MACROD2: variants seen among roughly 807,000 people sequenced by gnomAD.
MACROD2 encodes the protein mono-ADP ribosylhydrolase 2.
A neutral mutation model predicts 70.4 loss-of-function variants in MACROD2; 36 were observed. That is an observed-to-expected ratio of 0.51 (90% CI 0.39 to 0.68). MACROD2 has a LOEUF of 0.68. Ranked by LOEUF, MACROD2 falls within the 30% of genes least tolerant of loss-of-function variation. MACROD2 has a pLI of 0.00. For synonymous variants in MACROD2, 172 were observed against 178.8 expected (o/e 0.96, Z 0.30); for missense variants, 496 against 538.4 (o/e 0.92, Z 0.78).
At chr20:14,399,977 T>C (rs1281338010) in intron 3 of MACROD2, among the ~76,000 whole-genome samples, 1 of 152,230 alleles carries the variant, frequency 6.6e-6, no homozygotes, top group Non-Finnish European at 1.5e-5. Context: ...TACTTGGATG[T>C]ACAGAATATA....
intron 4 of MACROD2, among the ~76,000 whole-genome samples, chr20:14,548,817 A>AAC (rs940592256): frequency 6.6e-6 from 1 of 151,982 alleles, no homozygotes; most frequent in African/African-American, 2.4e-5. Context: ...GTATTAAATG[A>AAC]ACAGAGGAGT....
intron 6 of MACROD2, among the ~76,000 whole-genome samples, chr20:15,334,344 G>C (rs1292203448): frequency 6.6e-6 from 1 of 151,458 alleles, no homozygotes; most frequent in Non-Finnish European, 1.5e-5. Flanking sequence ...CACCAACATA[G>C]ATTTTTATTT....
chr20:14,100,720 T>TAATATATATAA (rs10626099), intron 3 of MACROD2, among the ~76,000 whole-genome samples: 2 of 136,382 alleles, frequency 1.5e-5, no homozygotes, highest in East Asian at 4.0e-4. Context: ...ATATATACAT[T>TAATATATATAA]TATATATAAT....
intron 6 of MACROD2, among the ~76,000 whole-genome samples, chr20:15,359,201 C>T (rs770342721): frequency 1.7e-4 from 26 of 152,144 alleles, no homozygotes; most frequent in Non-Finnish European, 3.7e-4. Flanking sequence ...GAAGAAACTG[C>T]TCATCTTCCA....
At chr20:15,217,722 C>T (rs954958284) in intron 5 of MACROD2, among the ~76,000 whole-genome samples, 3 of 152,104 alleles carry the variant, frequency 2.0e-5, no homozygotes, top group Non-Finnish European at 4.4e-5. Flanking sequence ...ACCTGCATGA[C>T]AACAGTATAT....
chr20:15,625,496 A>G (rs1055893215), intron 8 of MACROD2, among the ~76,000 whole-genome samples: 7 of 152,200 alleles, frequency 4.6e-5, no homozygotes, highest in African/African-American at 1.7e-4. Context: ...CTTGAAAAAT[A>G]AAAAAGGTAA....
chr20:15,623,592 C>A (rs905899747), intron 8 of MACROD2, among the ~76,000 whole-genome samples: 4 of 152,142 alleles, frequency 2.6e-5, no homozygotes, highest in Admixed American at 1.3e-4. Flanking sequence ...GATATGGGGA[C>A]GCTATGGGCT....
intron 5 of MACROD2, among the ~76,000 whole-genome samples, chr20:15,209,844 C>T (rs1043860472): frequency 6.6e-6 from 1 of 152,192 alleles, no homozygotes; most frequent in African/African-American, 2.4e-5. Context: ...AGGAAGGGAT[C>T]TACTTCAGTT....
intron 5 of MACROD2, among the ~76,000 whole-genome samples, chr20:14,829,843 G>T (rs2072944395): frequency 6.6e-6 from 1 of 151,896 alleles, no homozygotes; most frequent in South Asian, 2.1e-4. Flanking sequence ...AATATCTTTG[G>T]TTCTTTGTTA....
chr20:14,418,293 A>G (rs1345161324), intron 3 of MACROD2, among the ~76,000 whole-genome samples: 1 of 152,216 alleles, frequency 6.6e-6, no homozygotes, highest in East Asian at 1.9e-4. Context: ...TTATTTCAAA[A>G]CAAACTAATG....
intron 4 of MACROD2, among the ~76,000 whole-genome samples, chr20:14,614,571 T>C (rs1323095231): frequency 6.6e-6 from 1 of 152,130 alleles, no homozygotes; most frequent in Non-Finnish European, 1.5e-5. Flanking sequence ...GGGAGTCCAT[T>C]ACTTCTTTTT....
intron 8 of MACROD2, among the ~76,000 whole-genome samples, chr20:15,567,708 C>G (rs570151435): frequency 6.6e-6 from 1 of 152,274 alleles, no homozygotes; most frequent in South Asian, 2.1e-4. Context: ...AAGCCAGTCA[C>G]TCAAATACCT....
At chr20:14,254,198 G>A (rs575917827) in intron 3 of MACROD2, among the ~76,000 whole-genome samples, 1 of 151,914 alleles carries the variant, frequency 6.6e-6, no homozygotes, top group South Asian at 2.1e-4. Context: ...GGTATATTGA[G>A]GATTTTACTA....
chr20:15,922,115 G>A (rs1399772749), intron 10 of MACROD2, among the ~76,000 whole-genome samples: 1 of 152,208 alleles, frequency 6.6e-6, no homozygotes, highest in Admixed American at 6.5e-5. Flanking sequence ...AGAAGCCTCT[G>A]GTGCATGCAG....
intron 3 of MACROD2, among the ~76,000 whole-genome samples, chr20:14,125,162 G>A (rs1015520503): frequency 7.9e-5 from 12 of 152,124 alleles, no homozygotes; most frequent in African/African-American, 2.7e-4. Context: ...GGGATAGGGA[G>A]TGACTGTTTA....
intron 4 of MACROD2, chr20:14,628,574 G>A (rs1427909735): frequency 6.6e-6 from 1 of 152,218 alleles, no homozygotes; most frequent in Non-Finnish European, 1.5e-5. Flanking sequence ...GTGTTTGTAT[G>A]TAGGGAGAGT....
At chr20:14,255,497 G>A (rs1392757033) in intron 3 of MACROD2, among the ~76,000 whole-genome samples, 1 of 150,334 alleles carries the variant, frequency 6.7e-6, no homozygotes, top group Non-Finnish European at 1.5e-5. Context: ...AGAACACATG[G>A]ACACAGGAAG....
chr20:15,255,108 C>T (rs921199896), intron 6 of MACROD2, among the ~76,000 whole-genome samples: 2 of 151,806 alleles, frequency 1.3e-5, no homozygotes, highest in African/African-American at 4.8e-5. Context: ...AGATAGAACC[C>T]TCCATAAAAT....
intron 16 of MACROD2, 96 bp from the exon 17 acceptor site, chr20:16,044,475 G>A: frequency 4.9e-6 from 5 of 1,019,310 alleles, no homozygotes; most frequent in Non-Finnish European, 7.2e-6. Flanking sequence ...GCATCAAATA[G>A]GAAATCAGGA....
Sources: gnomAD v4.1 joint callset for allele counts (sites outside exome capture counted in the v4.1 genomes callset) on GRCh38, gnomAD v4.1.1 for gene constraint, MANE v1.5 for transcripts, NCBI Gene and HGNC (gene_info 2026-07-23, HGNC 2026-07-21) for gene names.